Variants in PPFIA2 observed in about 807,000 individuals in gnomAD.
PPFIA2 encodes PPFI scaffold protein A2.
PPFIA2 carries 46 observed loss-of-function variants against 175.5 expected under a neutral mutation model. That is an observed-to-expected ratio of 0.26 (90% CI 0.21 to 0.34). PPFIA2 has a LOEUF of 0.34. Ranked by LOEUF, PPFIA2 falls within the 10% of genes least tolerant of loss-of-function variation. PPFIA2 has a pLI of 1.00. For missense variants in PPFIA2, 1,179 were observed against 1,506.1 expected (o/e 0.78, Z 3.60); for synonymous variants, 568 against 511.4 (o/e 1.11, Z -1.49).
intron 9 of PPFIA2, among the ~76,000 whole-genome samples, chr12:81,383,505 A>G (rs1430603301): frequency 6.6e-6 from 1 of 151,978 alleles, no homozygotes; most frequent in East Asian, 1.9e-4. Flanking sequence ...TGACTAAAGT[A>G]CTCATTTTTT....
intron 4 of PPFIA2, among the ~76,000 whole-genome samples, chr12:81,543,571 A>G (rs2066535006): frequency 6.6e-6 from 1 of 152,082 alleles, no homozygotes; most frequent in African/African-American, 2.4e-5. Flanking sequence ...TTATATGGAT[A>G]CTCTTCCTTA....
rs565345558 is a variant in PPFIA2 at position 81,704,142 on chromosome 12, A to G, written c.250-27298T>C. Reference sequence around the variant, plus strand: ...GGACTTTGCAGCACTCAATATGTGAAATGAATGAACTCAAGAATGAAAGAG... The same window carrying G: ...GGACTTTGCAGCACTCAATATGTGAGATGAATGAACTCAAGAATGAAAGAG... On this transcript the variant is annotated intron_variant, in intron 3 of 32. Coordinates refer to ENST00000549396, the MANE Select transcript of PPFIA2 (RefSeq NM_003625.5). 6.2e-4 allele frequency among the ~76,000 whole-genome samples: 95 copies of G among 152,256 alleles called. 1 individual carries two copies. The highest frequency in any genetic ancestry group is 5.8e-3 in the Admixed American group (89 of 15,282).
At position 81,258,299 on chromosome 12, in the gene PPFIA2, G is replaced by A. The variant is rs1178160790; in HGVS notation, c.*1395C>T. ...TTATTTTTTTTATTGACAATGGAAA[G>A]GGTTTCTGTTATCATTACCTTTTGA... On this transcript the variant is annotated 3_prime_UTR_variant, in exon 33 of 33. Coordinates refer to ENST00000549396, the MANE Select transcript of PPFIA2 (RefSeq NM_003625.5). The A allele has an allele frequency of 6.6e-6, 1 of 151,998 alleles. No individual in the cohort carries two copies. The highest frequency in any genetic ancestry group is 1.9e-4 in the East Asian group (1 of 5,182). The allele number at this position is 151,998 out of a possible 1,614,324, so 9.4% of individuals were successfully genotyped here. A position where few individuals can be genotyped will look rare whatever the true frequency, so the allele number is the denominator to read the frequency against.
intron 4 of PPFIA2, among the ~76,000 whole-genome samples, chr12:81,480,429 T>C (rs1011579221): frequency 1.7e-4 from 26 of 152,154 alleles, no homozygotes; most frequent in African/African-American, 5.8e-4. Flanking sequence ...TCAAACTCAT[T>C]ATCTGTCCAG....
chr12:81,484,292 G>A (rs2058578615), intron 4 of PPFIA2, among the ~76,000 whole-genome samples: 1 of 151,780 alleles, frequency 6.6e-6, no homozygotes, highest in Admixed American at 6.6e-5. Context: ...TGGAAGAAGG[G>A]GTGGTTTTAA....
chr12:81,387,023 C>T (rs904154762), intron 8 of PPFIA2, among the ~76,000 whole-genome samples: 3 of 152,030 alleles, frequency 2.0e-5, no homozygotes, highest in African/African-American at 4.8e-5. Flanking sequence ...GACCTCAATG[C>T]CCCTTGTATG....
intron 4 of PPFIA2, among the ~76,000 whole-genome samples, chr12:81,529,208 A>C (rs755854164): frequency 1.3e-5 from 2 of 152,060 alleles, no homozygotes. Flanking sequence ...TACATTAAAC[A>C]AAGAAAATAC....
At chr12:81,429,717 A>G (rs2047755130) in intron 7 of PPFIA2, among the ~76,000 whole-genome samples, 1 of 152,082 alleles carries the variant, frequency 6.6e-6, no homozygotes, top group Admixed American at 6.6e-5. Flanking sequence ...CTTTAGCTCA[A>G]TATTTGTATC....
At chr12:81,575,700 C>A (rs548172158) in intron 4 of PPFIA2, among the ~76,000 whole-genome samples, 4 of 151,702 alleles carry the variant, frequency 2.6e-5, no homozygotes, top group African/African-American at 9.7e-5. Flanking sequence ...AACAGAGGAA[C>A]ATGATCATAT....
chr12:81,671,418 T>A (rs539327820), intron 4 of PPFIA2, among the ~76,000 whole-genome samples: 1 of 152,072 alleles, frequency 6.6e-6, no homozygotes, highest in East Asian at 1.9e-4. Flanking sequence ...TTGCCCTCAG[T>A]TATTGTTATA....
intron 4 of PPFIA2, among the ~76,000 whole-genome samples, chr12:81,592,287 C>A (rs2058755270): frequency 6.6e-6 from 1 of 152,050 alleles, no homozygotes; most frequent in Non-Finnish European, 1.5e-5. Context: ...AAGAAACTTG[C>A]CTTGTCTCAG....
chr12:81,518,597 C>T (rs1435328108), intron 4 of PPFIA2, among the ~76,000 whole-genome samples: 1 of 151,956 alleles, frequency 6.6e-6, no homozygotes, highest in Non-Finnish European at 1.5e-5. Context: ...ATAGTACAAC[C>T]CATCATGGTA....
chr12:81,699,963 T>C (rs1404160157), intron 3 of PPFIA2, among the ~76,000 whole-genome samples: 1 of 152,068 alleles, frequency 6.6e-6, no homozygotes, highest in African/African-American at 2.4e-5. Flanking sequence ...ATGTTCATAG[T>C]ACATAATATA....
chr12:81,530,927 G>A (rs2153276751), intron 4 of PPFIA2, among the ~76,000 whole-genome samples: 1 of 151,908 alleles, frequency 6.6e-6, no homozygotes, highest in East Asian at 1.9e-4. Flanking sequence ...ATCTTACTAT[G>A]TTTGTATGCA....
At chr12:81,496,446 G>T (rs2060034850) in intron 4 of PPFIA2, among the ~76,000 whole-genome samples, 1 of 152,134 alleles carries the variant, frequency 6.6e-6, no homozygotes. Context: ...GGTTATAATA[G>T]GAGAAAGTCC....
chr12:81,289,792 T>A (rs546591172), intron 24 of PPFIA2, among the ~76,000 whole-genome samples: 54 of 152,016 alleles, frequency 3.6e-4, no homozygotes, highest in African/African-American at 1.3e-3. Context: ...AACATTTCTG[T>A]AATTTTTACC....
At chr12:81,653,953 T>C (rs1481755526) in intron 4 of PPFIA2, among the ~76,000 whole-genome samples, 1 of 152,036 alleles carries the variant, frequency 6.6e-6, no homozygotes, top group African/African-American at 2.4e-5. Flanking sequence ...TGAGTAAACA[T>C]ATAAATATAG....
chr12:81,353,957 C>T (rs991838003), intron 16 of PPFIA2, among the ~76,000 whole-genome samples: 6 of 152,054 alleles, frequency 3.9e-5, no homozygotes, highest in East Asian at 1.9e-4. Context: ...AAAGTTATGC[C>T]CATTCTCTAC....
At chr12:81,424,810 G>A (rs1000012493) in intron 7 of PPFIA2, 5 of 152,156 alleles carry the variant, frequency 3.3e-5, no homozygotes, top group Non-Finnish European at 7.3e-5. Flanking sequence ...ATCTGTGACA[G>A]GCACTTTAAC....
Sources: gnomAD v4.1 joint callset for allele counts (sites outside exome capture counted in the v4.1 genomes callset) on GRCh38, gnomAD v4.1.1 for gene constraint, MANE v1.5 for transcripts, NCBI Gene and HGNC (gene_info 2026-07-23, HGNC 2026-07-21) for gene names.